Variants in CHRDL1 observed in about 807,000 individuals in gnomAD.
The protein encoded by CHRDL1 is chordin-like protein 1.
In CHRDL1, 19 loss-of-function variants were observed where a neutral mutation model predicts 40.9. The observed-to-expected ratio is 0.46, with a 90% CI of 0.32 to 0.68. The LOEUF is 0.68. CHRDL1 is among the 30% of genes least tolerant of loss of function. The pLI is 0.03. For missense variants in CHRDL1, 329 were observed against 352.1 expected (o/e 0.93, Z 0.53); for synonymous variants, 136 against 123.4 (o/e 1.10, Z -0.68).
chrX:110,697,211 G>C (rs934612137), intron 7 of CHRDL1, among the ~76,000 whole-genome samples: 2 of 110,766 alleles, frequency 1.8e-5, no homozygotes, highest in South Asian at 7.8e-4. Context: ...CTCTAAAACA[G>C]TTCTTTTCCA....
chrX:110,703,226 G>C (rs1475061044), intron 6 of CHRDL1, among the ~76,000 whole-genome samples: 1 of 111,970 alleles, frequency 8.9e-6, no homozygotes, highest in African/African-American at 3.2e-5. Context: ...AGGGGATTCT[G>C]ATGGATGCAG....
intron 4 of CHRDL1, among the ~76,000 whole-genome samples, chrX:110,739,903 A>T (rs747021657): frequency 1.8e-5 from 2 of 112,593 alleles, no homozygotes; most frequent in Admixed American, 1.9e-4. Context: ...ATTCTCATTA[A>T]AAGTAAACTA....
chrX:110,677,661 T>G (rs946018633), intron 11 of CHRDL1, among the ~76,000 whole-genome samples: 2 of 111,749 alleles, frequency 1.8e-5, no homozygotes, highest in African/African-American at 6.5e-5. Context: ...GACTCCCAAC[T>G]TTTCCATTTG....
chrX:110,728,558 T>C (rs780172178), intron 4 of CHRDL1, among the ~76,000 whole-genome samples: 1 of 111,733 alleles, frequency 8.9e-6, no homozygotes, highest in Non-Finnish European at 1.9e-5. Context: ...TAATGGGTTC[T>C]CTCCACCGAC....
intron 2 of CHRDL1, among the ~76,000 whole-genome samples, chrX:110,776,188 CCTTT>C (rs766732668): frequency 2.1e-3 from 236 of 112,410 alleles, no homozygotes; most frequent in Non-Finnish European, 3.5e-3. Flanking sequence ...TAATGTTCTT[CCTTT>C]CTTTATGTAG....
intron 2 of CHRDL1, among the ~76,000 whole-genome samples, chrX:110,789,987 A>G (rs947805213): frequency 2.7e-5 from 3 of 112,430 alleles, no homozygotes; most frequent in Non-Finnish European, 5.6e-5. Context: ...TTTTGTAACT[A>G]TTTATCTATG....
intron 9 of CHRDL1, among the ~76,000 whole-genome samples, chrX:110,685,236 T>C (rs781207449): frequency 1.8e-5 from 2 of 112,307 alleles, no homozygotes; most frequent in South Asian, 7.5e-4. Flanking sequence ...TTTCTTTTTT[T>C]TGTCTTAGCA....
intron 6 of CHRDL1, among the ~76,000 whole-genome samples, chrX:110,705,304 T>TATATATATATATATACAC (rs1491498596): frequency 3.9e-5 from 3 of 77,589 alleles, no homozygotes; most frequent in South Asian, 1.1e-3. Flanking sequence ...TATATATATA[T>TATATATATATATATACAC]ACACACACAC....
At position 110,762,816 on chromosome X, in the gene CHRDL1, A is replaced by C; in HGVS notation, c.95-9T>G. 1 of 970,652 alleles carries C rather than the reference A, an allele frequency of 1.0e-6. No individual in the cohort carries two copies. Among genetic ancestry groups the C allele is most frequent in the East Asian group, 3.1e-5 (1 of 32,655 alleles). The allele number at this position is 970,652 out of a possible 1,213,427, so 80.0% of individuals were successfully genotyped here. On this transcript the variant is annotated splice_polypyrimidine_tract_variant and intron_variant, in intron 2 of 11. Coordinates refer to ENST00000372042, the MANE Select transcript of CHRDL1 (RefSeq NM_001143981.2). ...GCAATATGTCTCTGAATCTGTGAAG[A>C]AGGAGATGGAGAATATGCCTGTTAG... is the stretch of plus-strand genomic sequence containing the variant.
rs1251874830 is a variant in CHRDL1 at position 110,675,122 on chromosome X, T to A, written c.*1109A>T. Reference sequence around the variant, plus strand: ...ACCGAGCCACTTTGCAAAGTAAAAATCAACTCCTATAATTGGAGAAGAAGG... The same window carrying A: ...ACCGAGCCACTTTGCAAAGTAAAAAACAACTCCTATAATTGGAGAAGAAGG... On this transcript the variant is annotated 3_prime_UTR_variant, in exon 12 of 12. Transcript: ENST00000372042. 9.0e-6 allele frequency: 1 copy of A among 111,703 alleles called. No homozygotes were observed. The highest frequency in any genetic ancestry group is 1.9e-5 in the Non-Finnish European group (1 of 53,137). The allele number at this position is 111,703 out of a possible 1,213,427, so 9.2% of individuals were successfully genotyped here. A position where few individuals can be genotyped will look rare whatever the true frequency, so the allele number is the denominator to read the frequency against.
chrX:110,777,387 C>T lies in CHRDL1; in HGVS notation c.95-14580G>A, dbSNP rs546298807. Among the ~76,000 whole-genome samples, 20 of 111,202 alleles carry T rather than the reference C, an allele frequency of 1.8e-4. No individual in the cohort carries two copies. In the South Asian group the frequency reaches 6.8e-3, roughly 38 times the overall value. On this transcript the variant is annotated intron_variant, in intron 2 of 11. Transcript: ENST00000372042. ...CAAGGAGTGAAACTGCTGGATCATA[C>T]GGTAAAAGTATGTTTAGTTTTGTAA...
chrX:110,707,376 A>G (rs1046765457), intron 6 of CHRDL1, among the ~76,000 whole-genome samples: 8 of 111,997 alleles, frequency 7.1e-5, no homozygotes, highest in Admixed American at 6.7e-4. Context: ...GCATCACACT[A>G]TCTGACTTCA....
At chrX:110,789,295 C>T (rs1481728365) in intron 2 of CHRDL1, among the ~76,000 whole-genome samples, 1 of 111,415 alleles carries the variant, frequency 9.0e-6, no homozygotes, top group Non-Finnish European at 1.9e-5. Context: ...TGATTATAAT[C>T]TTGGTGAAGG....
chrX:110,792,659 A>AC (rs2090121556), intron 1 of CHRDL1, among the ~76,000 whole-genome samples: 1 of 13,574 alleles, frequency 7.4e-5, no homozygotes, highest in Non-Finnish European at 1.2e-3. Context: ...CTTCAAGACT[A>AC]CTTTTAATCC....
At chrX:110,725,358 T>G (rs1488530761) in intron 4 of CHRDL1, among the ~76,000 whole-genome samples, 1 of 112,267 alleles carries the variant, frequency 8.9e-6, no homozygotes, top group Non-Finnish European at 1.9e-5. Context: ...AATGGCTACC[T>G]TTTGCAATCA....
Position 110,704,970 on chromosome X carries a change from G to A in CHRDL1, c.542-4249C>T, listed in dbSNP as rs142495828. 1.1e-3 allele frequency among the ~76,000 whole-genome samples: 117 copies of A among 110,622 alleles called. 1 individual carries two copies. The East Asian group carries it at 0.019, about 18-fold the overall frequency. ...TTGACATAAAATGTTTACTTAGCTG[G>A]CCTTCTGAAAAGTTCAGTTTATTTA... On this transcript the variant is annotated intron_variant, in intron 6 of 11. Transcript: ENST00000372042.
intron 6 of CHRDL1, among the ~76,000 whole-genome samples, chrX:110,715,889 G>A (rs1267217170): frequency 1.8e-5 from 2 of 112,145 alleles, no homozygotes; most frequent in African/African-American, 6.5e-5. Flanking sequence ...AAGGAGGTGA[G>A]GAACAAAATA....
At chrX:110,696,320 A>T (rs2070384837) in intron 7 of CHRDL1, among the ~76,000 whole-genome samples, 1 of 111,490 alleles carries the variant, frequency 9.0e-6, no homozygotes, top group African/African-American at 3.3e-5. Flanking sequence ...GATCATGATG[A>T]AAAAACAAAA....
chrX:110,782,757 T>C (rs1235958808), intron 2 of CHRDL1, among the ~76,000 whole-genome samples: 1 of 112,505 alleles, frequency 8.9e-6, no homozygotes, highest in Non-Finnish European at 1.9e-5. Flanking sequence ...CTAAAAGTTA[T>C]TTTTCATTCT....
Sources: allele counts gnomAD v4.1 joint callset (sites outside exome capture counted in the v4.1 genomes callset), GRCh38; gene constraint gnomAD v4.1.1; transcripts MANE v1.5; gene names NCBI Gene and HGNC (gene_info 2026-07-23, HGNC 2026-07-21).